NMU: variants seen among roughly 807,000 people sequenced by gnomAD.
The protein encoded by NMU is neuromedin-U.
Under a neutral mutation model 35.4 loss-of-function variants are expected in NMU, and 29 were observed. That is an observed-to-expected ratio of 0.82 (90% CI 0.61 to 1.12). The LOEUF is 1.12. Among genes scored for constraint, NMU ranks in the 50% most tolerant of loss-of-function variants. NMU has a pLI of 0.00. For missense variants in NMU, 199 were observed against 206.2 expected (o/e 0.97, Z 0.21); for synonymous variants, 78 against 81.3 (o/e 0.96, Z 0.22).
rs755203914 is a variant in NMU, at chr4:55,595,563, T to TATATATATATATATACAC, written c.*5-153_*5-152insGTGTATATATATATATAT. 1.6e-3 allele frequency among the ~76,000 whole-genome samples: 198 copies of TATATATATATATATACAC among 120,026 alleles called. 1 individual carries two copies. The highest frequency in any genetic ancestry group is 0.012 in the East Asian group (43 of 3,490). The allele number at this position is 120,026 out of a possible 152,430, so 78.7% of individuals were successfully genotyped here. A position where few individuals can be genotyped will look rare whatever the true frequency, so the allele number is the denominator to read the frequency against. ...AGCTGTATATATATATATATATATA[T>TATATATATATATATACAC]ACACACACACACACACACACATGCA... On this transcript the variant is annotated intron_variant, in intron 9 of 9. Coordinates refer to ENST00000264218, the MANE Select transcript of NMU (RefSeq NM_006681.4).
At chr4:55,631,110 A>G (rs1038996715) in intron 1 of NMU, among the ~76,000 whole-genome samples, 1 of 152,212 alleles carries the variant, frequency 6.6e-6, no homozygotes, top group Non-Finnish European at 1.5e-5. Context: ...TGGTGCTAGG[A>G]AAACTGACAA....
intron 8 of NMU, among the ~76,000 whole-genome samples, chr4:55,599,886 G>A (rs1240019352): frequency 6.6e-6 from 1 of 152,142 alleles, no homozygotes; most frequent in Admixed American, 6.6e-5. Context: ...GCATAGGAAT[G>A]GAATCCTATC....
In NMU at chr4:55,605,138, T is replaced by C. The variant is rs538450489; in HGVS notation, c.435+137A>G. 4 of 733,146 alleles carry C rather than the reference T, an allele frequency of 5.5e-6. No individual in the cohort carries two copies. In the South Asian group the frequency reaches 5.9e-5, roughly 11 times the overall value. 45.4% of individuals were successfully genotyped at this position (733,146 alleles called of 1,614,324 possible). On this transcript the variant is annotated intron_variant, in intron 7 of 9. Coordinates refer to ENST00000264218, the MANE Select transcript of NMU (RefSeq NM_006681.4). ...TCTCTTCTAGTCTACAAACAGATGC[T>C]CTTACATTGGCTAACTGGGTATTAG...
chr4:55,611,054 A>C (rs1733909325), intron 3 of NMU, among the ~76,000 whole-genome samples: 1 of 103,618 alleles, frequency 9.7e-6, no homozygotes, highest in Non-Finnish European at 2.2e-5. Flanking sequence ...ACAAAAGAGA[A>C]AAAAGTTCTA....
At position 55,595,364 on chromosome 4, in the gene NMU, T is replaced by C. The variant is rs1385751488; in HGVS notation, c.*52A>G. The C allele has an allele frequency of 6.6e-6, 1 of 152,334 alleles. No homozygotes were observed. Among genetic ancestry groups the C allele is most frequent in the African/African-American group, 2.4e-5 (1 of 41,362 alleles). The allele number at this position is 152,334 out of a possible 1,614,324, so 9.4% of individuals were successfully genotyped here. On this transcript the variant is annotated 3_prime_UTR_variant, in exon 10 of 10. Transcript: ENST00000264218. ...TTTTCAGAAGAAAACAAAATGTCAG[T>C]ACATTTTGTATTCCATAGCATTGCT...
In NMU at chr4:55,630,393, G is replaced by C. The variant is rs1200845427; in HGVS notation, c.171+9C>G. The stretch of plus-strand genomic sequence containing the variant: ...GTTTCTACAAATTTGTGTGATGATA[G>C]TTCCTTACCTCATTCCACAACTGTA... On this transcript the variant is annotated intron_variant, in intron 2 of 9. Coordinates refer to ENST00000264218, the MANE Select transcript of NMU (RefSeq NM_006681.4). 6.2e-7 allele frequency: 1 copy of C among 1,600,842 alleles called. No individual in the cohort carries two copies. The highest frequency in any genetic ancestry group is 8.6e-7 in the Non-Finnish European group (1 of 1,168,372).
intron 6 of NMU, among the ~76,000 whole-genome samples, chr4:55,607,080 T>C (rs1344501915): frequency 6.6e-6 from 1 of 152,156 alleles, no homozygotes; most frequent in East Asian, 1.9e-4. Flanking sequence ...AAATAACTGT[T>C]AAATGAATGA....
At chr4:55,612,350 T>G (rs1025416370) in intron 3 of NMU, among the ~76,000 whole-genome samples, 4 of 152,142 alleles carry the variant, frequency 2.6e-5, no homozygotes, top group African/African-American at 9.7e-5. Context: ...TGGCGAGCTA[T>G]AATTGTACCA....
At chr4:55,611,000 C>T (rs13149422) in intron 3 of NMU, among the ~76,000 whole-genome samples, 55,423 of 151,966 alleles carry the variant, frequency 0.36, 10,460 homozygotes, top group East Asian at 0.59. Flanking sequence ...GAAAATATTT[C>T]GTACACCTGT....
chr4:55,633,179 G>A (rs930174082), intron 1 of NMU, among the ~76,000 whole-genome samples: 11 of 151,876 alleles, frequency 7.2e-5, no homozygotes, highest in African/African-American at 2.7e-4. Flanking sequence ...AAAAAAATTA[G>A]CCGGGCATGG....
At chr4:55,607,192 T>C (rs2412666) in intron 6 of NMU, 106 bp downstream of exon 6, 137,292 of 764,204 alleles carry the variant, frequency 0.18, 13,169 homozygotes, top group South Asian at 0.22. Flanking sequence ...TATAAACTTT[T>C]AAAGTAAAAA....
intron 2 of NMU, 24 bp downstream of exon 2, chr4:55,630,378 A>G: frequency 6.4e-7 from 1 of 1,572,762 alleles, no homozygotes; most frequent in Non-Finnish European, 8.8e-7. Context: ...GTTTCTACAA[A>G]TTTGTGTGAT....
intron 7 of NMU, 131 bp downstream of exon 7, chr4:55,605,144 A>G: frequency 2.7e-6 from 2 of 747,788 alleles, no homozygotes; most frequent in African/African-American, 1.7e-5. Flanking sequence ...ATGCTCTTAC[A>G]TTGGCTAACT....
intron 3 of NMU, among the ~76,000 whole-genome samples, chr4:55,609,447 A>G (rs1439021566): frequency 6.6e-6 from 1 of 152,148 alleles, no homozygotes; most frequent in African/African-American, 2.4e-5. Context: ...TGATCTAGAT[A>G]CATAGTTCTC....
intron 7 of NMU, among the ~76,000 whole-genome samples, chr4:55,604,341 C>T (rs1392570760): frequency 1.3e-5 from 2 of 151,854 alleles, no homozygotes; most frequent in Admixed American, 6.6e-5. Flanking sequence ...GCTGGGATTA[C>T]AGGCATGAGC....
intron 3 of NMU, among the ~76,000 whole-genome samples, chr4:55,611,375 A>G (rs1286357537): frequency 6.6e-6 from 1 of 152,194 alleles, no homozygotes; most frequent in Non-Finnish European, 1.5e-5. Flanking sequence ...AAAAGAAAAA[A>G]TTAAAAAGTT....
At chr4:55,625,481 C>G (rs1404540590) in intron 2 of NMU, among the ~76,000 whole-genome samples, 3 of 152,128 alleles carry the variant, frequency 2.0e-5, no homozygotes, top group African/African-American at 7.2e-5. Context: ...TTGTAATACA[C>G]TTGATGAATT....
chr4:55,610,589 G>A (rs1022145011), intron 3 of NMU, among the ~76,000 whole-genome samples: 2 of 152,334 alleles, frequency 1.3e-5, no homozygotes, highest in East Asian at 3.9e-4. Flanking sequence ...CACAGGTGGA[G>A]TTGACAGTTT....
At chr4:55,633,095 C>T (rs998530683) in intron 1 of NMU, among the ~76,000 whole-genome samples, 1 of 151,702 alleles carries the variant, frequency 6.6e-6, no homozygotes, top group African/African-American at 2.4e-5. Context: ...GAGGCCAAGG[C>T]GGGCATATCA....
Sources: allele counts gnomAD v4.1 joint callset (sites outside exome capture counted in the v4.1 genomes callset), GRCh38; gene constraint gnomAD v4.1.1; transcripts MANE v1.5; gene names NCBI Gene and HGNC (gene_info 2026-07-23, HGNC 2026-07-21).